GATAD2B: variants seen among roughly 807,000 people sequenced by gnomAD.
The protein encoded by GATAD2B is GATA zinc finger domain containing 2B.
Under a neutral mutation model 64.3 loss-of-function variants are expected in GATAD2B, and 8 were observed. The observed-to-expected ratio is 0.12, with a 90% CI of 0.07 to 0.22. The LOEUF is 0.22. Ranked by LOEUF, GATAD2B falls within the 10% of genes least tolerant of loss-of-function variation. GATAD2B has a pLI of 1.00. For synonymous variants in GATAD2B, 281 were observed against 271.3 expected (o/e 1.04, Z -0.35); for missense variants, 453 against 752.0 (o/e 0.60, Z 4.65).
At chr1:153,901,585 G>A (rs2101960565) in intron 1 of GATAD2B, among the ~76,000 whole-genome samples, 1 of 152,136 alleles carries the variant, frequency 6.6e-6, no homozygotes, top group South Asian at 2.1e-4. Flanking sequence ...AGCACTTTGA[G>A]AGGCCGAGGC....
chr1:153,900,872 T>G (rs1677746515), intron 1 of GATAD2B, among the ~76,000 whole-genome samples: 1 of 152,210 alleles, frequency 6.6e-6, no homozygotes, highest in Admixed American at 6.5e-5. Context: ...TCATGTAATT[T>G]TCACATGTCA....
intron 7 of GATAD2B, among the ~76,000 whole-genome samples, chr1:153,814,035 G>A (rs772542539): frequency 6.6e-6 from 1 of 152,170 alleles, no homozygotes; most frequent in Non-Finnish European, 1.5e-5. Context: ...GATGTTTCCT[G>A]ATTTTCTACT....
intron 1 of GATAD2B, among the ~76,000 whole-genome samples, chr1:153,843,832 A>AAC (rs71093294): frequency 2.0e-5 from 3 of 147,136 alleles, no homozygotes; most frequent in Non-Finnish European, 3.0e-5. Flanking sequence ...AAAAAAAAAA[A>AAC]CCCAAACAAA....
chr1:153,870,007 C>T (rs1483239337), intron 1 of GATAD2B, among the ~76,000 whole-genome samples: 1 of 152,110 alleles, frequency 6.6e-6, no homozygotes, highest in African/African-American at 2.4e-5. Flanking sequence ...CATCCAGGCA[C>T]AATCTCGGCT....
At chr1:153,872,534 T>C (rs1425694027) in intron 1 of GATAD2B, among the ~76,000 whole-genome samples, 5 of 150,028 alleles carry the variant, frequency 3.3e-5, no homozygotes, top group East Asian at 3.9e-4. Context: ...CTTTCGAAGG[T>C]TGACATATTA....
intron 1 of GATAD2B, among the ~76,000 whole-genome samples, chr1:153,883,856 T>C (rs1036627111): frequency 6.6e-6 from 1 of 152,154 alleles, no homozygotes; most frequent in Non-Finnish European, 1.5e-5. Flanking sequence ...CCTCTATATG[T>C]TGGATTGATT....
At chr1:153,871,754 A>G (rs1676672984) in intron 1 of GATAD2B, among the ~76,000 whole-genome samples, 1 of 152,032 alleles carries the variant, frequency 6.6e-6, no homozygotes, top group Non-Finnish European at 1.5e-5. Flanking sequence ...TACAGGCATG[A>G]GACACCGTGC....
intron 1 of GATAD2B, chr1:153,889,681 T>G (rs116689813): frequency 0.014 from 11,816 of 823,602 alleles, 98 homozygotes; most frequent in Non-Finnish European, 0.016. Flanking sequence ...CACTCACATG[T>G]TACTTATTTT....
chr1:153,866,397 C>T (rs147808439), intron 1 of GATAD2B, among the ~76,000 whole-genome samples: 2 of 152,172 alleles, frequency 1.3e-5, no homozygotes, highest in East Asian at 3.9e-4. Flanking sequence ...ATTAGTGGGC[C>T]TGTGTCCTCT....
At chr1:153,913,096 A>T (rs962002312) in intron 1 of GATAD2B, among the ~76,000 whole-genome samples, 2 of 150,734 alleles carry the variant, frequency 1.3e-5, no homozygotes, top group Non-Finnish European at 3.0e-5. Flanking sequence ...CTCTAAAAAA[A>T]ATTGTATTTT....
chr1:153,843,649 G>C (rs1675575934), intron 1 of GATAD2B, among the ~76,000 whole-genome samples: 1 of 151,928 alleles, frequency 6.6e-6, no homozygotes, highest in Non-Finnish European at 1.5e-5. Context: ...CTGCTGTGTA[G>C]AATCCCACAG....
chr1:153,830,620 C>A (rs1054727181), intron 1 of GATAD2B, among the ~76,000 whole-genome samples: 1 of 148,784 alleles, frequency 6.7e-6, no homozygotes, highest in Admixed American at 6.7e-5. Context: ...GGACTACAGG[C>A]GCCCGCCACT....
At chr1:153,864,743 C>T (rs1557811771) in intron 1 of GATAD2B, among the ~76,000 whole-genome samples, 1 of 152,092 alleles carries the variant, frequency 6.6e-6, no homozygotes, top group Non-Finnish European at 1.5e-5. Flanking sequence ...CATATTATAC[C>T]CATTCTATGA....
intron 1 of GATAD2B, among the ~76,000 whole-genome samples, chr1:153,914,227 CAAAAAAAAAAA>C (rs759245034): frequency 1.1e-4 from 7 of 65,964 alleles, no homozygotes; most frequent in East Asian, 4.5e-4. Flanking sequence ...CCCAGACTCT[CAAAAAAAAAAA>C]AAAAAAAAAA....
intron 1 of GATAD2B, among the ~76,000 whole-genome samples, chr1:153,885,970 A>G (rs1187557988): frequency 6.6e-6 from 1 of 152,232 alleles, no homozygotes; most frequent in Admixed American, 6.6e-5. Flanking sequence ...AAAGAATAGC[A>G]TAAGAAAAGA....
chr1:153,825,326 G>T (rs2101888964), intron 2 of GATAD2B, among the ~76,000 whole-genome samples: 1 of 152,254 alleles, frequency 6.6e-6, no homozygotes, highest in Non-Finnish European at 1.5e-5. Flanking sequence ...ATAATATTCT[G>T]CTGGCACTAC....
intron 1 of GATAD2B, among the ~76,000 whole-genome samples, chr1:153,906,100 CCA>C (rs1157119943): frequency 6.7e-6 from 1 of 150,200 alleles, no homozygotes. Context: ...CCCCCGCACC[CCA>C]CACACACACA....
chr1:153,885,858 G>A (rs865896289), intron 1 of GATAD2B, among the ~76,000 whole-genome samples: 12 of 132,112 alleles, frequency 9.1e-5, no homozygotes, highest in Admixed American at 4.1e-4. Flanking sequence ...GCAAGACTCC[G>A]TCTCCAAAAA....
intron 1 of GATAD2B, among the ~76,000 whole-genome samples, chr1:153,836,227 G>C (rs1189394099): frequency 2.0e-5 from 3 of 149,280 alleles, no homozygotes; most frequent in Non-Finnish European, 4.4e-5. Context: ...GAGAGTTTGA[G>C]ACCATCCTGG....
Sources: gnomAD v4.1 joint callset for allele counts (sites outside exome capture counted in the v4.1 genomes callset) on GRCh38, gnomAD v4.1.1 for gene constraint, MANE v1.5 for transcripts, NCBI Gene and HGNC (gene_info 2026-07-23, HGNC 2026-07-21) for gene names.